SAP30BP: variants seen among roughly 807,000 people sequenced by gnomAD.
The protein encoded by SAP30BP is SAP30-binding protein.
In SAP30BP, 31 loss-of-function variants were observed where a neutral mutation model predicts 46.3. The ratio of observed to expected loss-of-function variants is 0.67; its 90% CI spans 0.50 to 0.90. The LOEUF is 0.90. Among genes scored for constraint, SAP30BP ranks in the 40% least tolerant of loss-of-function variants. The pLI is 0.00. For synonymous variants in SAP30BP, 169 were observed against 144.2 expected (o/e 1.17, Z -1.23); for missense variants, 312 against 391.0 (o/e 0.80, Z 1.70).
chr17:75,667,538 C>T lies in SAP30BP; in HGVS notation c.106+60C>T. The T allele has an allele frequency of 1.3e-6, 2 of 1,497,872 alleles. 1 individual carries two copies. The highest frequency in any genetic ancestry group is 2.3e-5 in the South Asian group (2 of 88,556). The allele number at this position is 1,497,872 out of a possible 1,614,324, so 92.8% of individuals were successfully genotyped here. The stretch of plus-strand genomic sequence containing the variant: ...GGGTGTCTGCCCGGAATGCTGTACC[C>T]TCGCTGGGCGGGAGGGAACAAGATG... On this transcript the variant is annotated intron_variant, in intron 1 of 10. Coordinates refer to ENST00000584667, the MANE Select transcript of SAP30BP (RefSeq NM_013260.8).
chr17:75,694,546 A>AG (rs2060286400), intron 4 of SAP30BP, among the ~76,000 whole-genome samples: 1 of 152,222 alleles, frequency 6.6e-6, no homozygotes, highest in African/African-American at 2.4e-5. Context: ...TTCTTTAGAA[A>AG]GTGACGCCTT....
intron 3 of SAP30BP, among the ~76,000 whole-genome samples, chr17:75,675,170 G>A (rs977604371): frequency 2.0e-5 from 3 of 152,050 alleles, no homozygotes; most frequent in African/African-American, 4.8e-5. Flanking sequence ...TTGTTTTTGA[G>A]TAGGAGTTTC....
intron 9 of SAP30BP, chr17:75,705,777 TG>T: frequency 9.6e-7 from 1 of 1,039,846 alleles, no homozygotes; most frequent in Non-Finnish European, 1.3e-6. Context: ...TGCAGAGACC[TG>T]GTGATGCCGG....
intron 3 of SAP30BP, chr17:75,692,416 C>T: frequency 1.0e-6 from 1 of 985,496 alleles, no homozygotes; most frequent in Non-Finnish European, 1.2e-6. Flanking sequence ...CAGCAACTTT[C>T]TGTGAACTCT....
chr17:75,693,405 A>G (rs189151105), intron 3 of SAP30BP, 35 bp from the exon 4 acceptor site: 10 of 1,595,098 alleles, frequency 6.3e-6, no homozygotes, highest in Middle Eastern at 1.7e-4. Context: ...CAGGAGCCCC[A>G]GTCTTACCTC....
At chr17:75,697,914 G>A (rs1160010833) in intron 4 of SAP30BP, among the ~76,000 whole-genome samples, 6 of 152,322 alleles carry the variant, frequency 3.9e-5, no homozygotes, top group African/African-American at 9.6e-5. Flanking sequence ...GAAGCCAGCC[G>A]GGCAGCTCAG....
chr17:75,682,774 C>T (rs8076675), intron 3 of SAP30BP, among the ~76,000 whole-genome samples: 53,130 of 146,610 alleles, frequency 0.36, 9,543 homozygotes, highest in Middle Eastern at 0.44. Context: ...CCATCCTGGC[C>T]AACATAGTGA....
At chr17:75,677,693 A>G (rs1328598312) in intron 3 of SAP30BP, among the ~76,000 whole-genome samples, 3 of 115,704 alleles carry the variant, frequency 2.6e-5, no homozygotes, top group Non-Finnish European at 1.7e-5. Flanking sequence ...TGATCCACCC[A>G]CCTCAGCCTT....
chr17:75,697,574 G>A (rs192309476), intron 4 of SAP30BP, among the ~76,000 whole-genome samples: 1 of 152,350 alleles, frequency 6.6e-6, no homozygotes, highest in East Asian at 1.9e-4. Context: ...GTATCACCCA[G>A]TCTCTGTCCT....
At chr17:75,705,758 C>A in intron 9 of SAP30BP, 2 of 1,097,936 alleles carry the variant, frequency 1.8e-6, no homozygotes, top group Non-Finnish European at 2.4e-6. Context: ...GCGGGGGGTG[C>A]CGGGCATGTG....
chr17:75,677,497 A>G (rs1599107448), intron 3 of SAP30BP, among the ~76,000 whole-genome samples: 1 of 148,434 alleles, frequency 6.7e-6, no homozygotes, highest in South Asian at 2.1e-4. Flanking sequence ...CAGTGGCGCA[A>G]TCTCAGCTCA....
rs143742401 is a variant in SAP30BP at position 75,667,572 on chromosome 17, G to A, written c.106+94G>A. On this transcript the variant is annotated intron_variant, in intron 1 of 10. Transcript: ENST00000584667. The stretch of plus-strand genomic sequence containing the variant: ...CGGGAGGGAACAAGATGGTCATTGT[G>A]CTCCAAGCACCGGACCCCGAAGAAT... The A allele has an allele frequency of 1.9e-3, 2,267 of 1,173,894 alleles. 7 individuals carry two copies. Among genetic ancestry groups the A allele is most frequent in the Non-Finnish European group, 2.5e-3 (2,052 of 805,520 alleles). The allele number at this position is 1,173,894 out of a possible 1,614,324, so 72.7% of individuals were successfully genotyped here. A position where few individuals can be genotyped will look rare whatever the true frequency, so the allele number is the denominator to read the frequency against.
In SAP30BP at chr17:75,668,557, G is replaced by T. The variant is rs1182715218; in HGVS notation, c.148G>T (p.Asp50Tyr). Residue 50 changes from aspartate (D) to tyrosine (Y), a missense_variant, in exon 2 of 11, where the codon GAC (aspartate) becomes TAC (tyrosine). Asp to Tyr is a radical substitution (Grantham distance 160). Around this residue, in one of 2 missense-constraint regions of SAP30BP, gnomAD observed 296 missense variants for 346.6 expected, o/e 0.85. Coordinates refer to ENST00000584667, the MANE Select transcript of SAP30BP (RefSeq NM_013260.8). ...GGTATCTGATGCCTATGGGGAGGAT[G>T]ACTTTTCTCGTCTAGGGGGTGATGA... is the stretch of plus-strand genomic sequence containing the variant. ...GLVSDAYGED[D>Y]FSRLGGDEDG... The T allele has an allele frequency of 6.2e-7, 1 of 1,604,872 alleles. No homozygotes were observed. The highest frequency in any genetic ancestry group is 8.5e-7 in the Non-Finnish European group (1 of 1,176,416).
At chr17:75,667,589 C>T in intron 1 of SAP30BP, 111 bp downstream of exon 1, 1 of 941,074 alleles carries the variant, frequency 1.1e-6, no homozygotes, top group Non-Finnish European at 1.6e-6. Context: ...GCACCGGACC[C>T]CGAAGAATGG....
At chr17:75,697,596 C>T (rs916744489) in intron 4 of SAP30BP, among the ~76,000 whole-genome samples, 1 of 152,228 alleles carries the variant, frequency 6.6e-6, no homozygotes, top group Non-Finnish European at 1.5e-5. Flanking sequence ...TTGCCGTCAC[C>T]TAAAATGGCA....
chr17:75,700,966 A>G (rs1403649260), intron 5 of SAP30BP, among the ~76,000 whole-genome samples: 1 of 152,116 alleles, frequency 6.6e-6, no homozygotes, highest in Non-Finnish European at 1.5e-5. Flanking sequence ...AGTCATCTGT[A>G]TGACATGGGT....
chr17:75,679,229 C>A (rs2060039696), intron 3 of SAP30BP, among the ~76,000 whole-genome samples: 1 of 152,084 alleles, frequency 6.6e-6, no homozygotes, highest in African/African-American at 2.4e-5. Context: ...ATCTCCTGAC[C>A]TCGTGATCTG....
rs545591736 is a variant in SAP30BP, at chr17:75,674,830, C to T, written c.264+2967C>T. On this transcript the variant is annotated intron_variant, in intron 3 of 10. Transcript: ENST00000584667. ...AATCCTCCCACCTCAGCCTCCCAAA[C>T]AGCTGGGACTACAGGTGTGTGCATC... Among the ~76,000 whole-genome samples the T allele has an allele frequency of 4.1e-5, 6 of 144,988 alleles. No homozygotes were observed. In the South Asian group the frequency reaches 1.4e-3, roughly 34 times the overall value.
At chr17:75,696,766 CT>C (rs34464076) in intron 4 of SAP30BP, among the ~76,000 whole-genome samples, 47,317 of 100,190 alleles carry the variant, frequency 0.47, 10,455 homozygotes, top group Middle Eastern at 0.55. Context: ...CTCCCCTCCT[CT>C]TTTTTTTTTT....
Sources: allele counts gnomAD v4.1 joint callset (sites outside exome capture counted in the v4.1 genomes callset), GRCh38; gene constraint gnomAD v4.1.1; regional missense constraint gnomAD v4.1.1; transcripts MANE v1.5; gene names NCBI Gene and HGNC (gene_info 2026-07-23, HGNC 2026-07-21).